PTGES3: variants seen among roughly 807,000 people sequenced by gnomAD.
The protein encoded by PTGES3 is prostaglandin E synthase 3, also known as Hsp90 co-chaperone.
A neutral mutation model predicts 29.9 loss-of-function variants in PTGES3; 5 were observed. The ratio of observed to expected loss-of-function variants is 0.17; its 90% CI spans 0.09 to 0.35. The LOEUF (loss-of-function observed/expected upper bound fraction) is 0.35, where lower values mean the gene tolerates loss of function less well. Among genes scored for constraint, PTGES3 ranks in the 10% least tolerant of loss-of-function variants. PTGES3 has a pLI of 1.00. For missense variants in PTGES3, 128 were observed against 190.0 expected (o/e 0.67, Z 1.92); for synonymous variants, 49 against 57.8 (o/e 0.85, Z 0.69).
At chr12:56,668,158 C>T (rs112533653) in intron 5 of PTGES3, among the ~76,000 whole-genome samples, 9 of 152,262 alleles carry the variant, frequency 5.9e-5, no homozygotes, top group African/African-American at 2.2e-4. Context: ...ATGTGAAGTG[C>T]TCTTACCTCA....
intron 1 of PTGES3, among the ~76,000 whole-genome samples, chr12:56,675,521 CAAAA>C (rs58270146): frequency 1.4e-4 from 13 of 92,022 alleles, no homozygotes; most frequent in African/African-American, 2.7e-4. Context: ...AGAATGAGAC[CAAAA>C]AAAAAAAAAA....
intron 5 of PTGES3, among the ~76,000 whole-genome samples, chr12:56,667,506 T>C (rs1268009149): frequency 1.3e-5 from 2 of 152,172 alleles, no homozygotes; most frequent in East Asian, 1.9e-4. Context: ...AAATCTGCCT[T>C]ATGTGACAAA....
chr12:56,673,484 GGAA>G (rs1952087078), intron 1 of PTGES3, among the ~76,000 whole-genome samples: 1 of 36,824 alleles, frequency 2.7e-5, no homozygotes, highest in South Asian at 1.1e-3. Flanking sequence ...ATACAAATAC[GGAA>G]AAAAAAAAAA....
Position 56,670,353 on chromosome 12 carries a change from A to G in PTGES3, c.297T>C (p.Leu99=). ...LTKERAKLNW[L]SVDFNNWKDW... ...CTTTCCAATTATTGAAGTCGACACT[A>G]AGCCAATTAAGCTATAAATCAATAC... is the stretch of plus-strand genomic sequence containing the variant. Residue 99 remains leucine, a synonymous_variant, in exon 5 of 8, where the codon CTT becomes CTC. Coordinates refer to ENST00000262033, the MANE Select transcript of PTGES3 (RefSeq NM_006601.7). The G allele has an allele frequency of 6.2e-7, 1 of 1,607,406 alleles. No individual in the cohort carries two copies. The highest frequency in any genetic ancestry group is 8.5e-7 in the Non-Finnish European group (1 of 1,173,864).
At chr12:56,673,521 C>T (rs1197532839) in intron 1 of PTGES3, among the ~76,000 whole-genome samples, 5 of 132,746 alleles carry the variant, frequency 3.8e-5, no homozygotes, top group African/African-American at 2.8e-5. Context: ...AAGCAGGGTA[C>T]GGTGGCTCAC....
rs17445108 is a variant in PTGES3, at chr12:56,688,274, G to A, written c.-275C>T. ...AATGAACGTGCGTGCGTGCAAACGA[G>A]GGGTGGTGAGGCCGGGCGGCGGCTG... On this transcript the variant is annotated 5_prime_UTR_variant, in exon 1 of 8. Coordinates refer to ENST00000262033, the MANE Select transcript of PTGES3 (RefSeq NM_006601.7). 0.097 allele frequency: 48,491 copies of A among 498,422 alleles called. 2,891 individuals carry two copies. Among genetic ancestry groups the A allele is most frequent in the Non-Finnish European group, 0.12 (37,234 of 303,304 alleles). 30.9% of individuals were successfully genotyped at this position (498,422 alleles called of 1,614,324 possible).
chr12:56,678,594 T>C (rs1220379134), intron 1 of PTGES3, among the ~76,000 whole-genome samples: 1 of 152,192 alleles, frequency 6.6e-6, no homozygotes, highest in Non-Finnish European at 1.5e-5. Context: ...GGTGCATCAA[T>C]TTTTTATAGT....
intron 1 of PTGES3, among the ~76,000 whole-genome samples, chr12:56,680,357 G>A (rs571278779): frequency 2.2e-4 from 34 of 151,774 alleles, no homozygotes; most frequent in Non-Finnish European, 4.6e-4. Context: ...TTATAGGTGT[G>A]AGTCACTGCA....
rs1266295339 is a variant in PTGES3 at position 56,666,214 on chromosome 12, C to T, written c.428G>A (p.Gly143Glu). Residue 143 changes from glycine to glutamate, a missense_variant, in exon 6 of 8, where the codon GGA becomes GAA. Transcript: ENST00000262033. ...AATTTTTAGACTTACATCATCTGCT[C>T]CATCTACTTCTGGTAAATCTACATC... ...DEDVDLPEVDGADDDSQDSDD... is the reference protein window; with the variant it reads ...DEDVDLPEVDEADDDSQDSDD... 1 of 1,610,118 alleles carries T rather than the reference C, an allele frequency of 6.2e-7. No individual in the cohort carries two copies. Among genetic ancestry groups the T allele is most frequent in the Admixed American group, 1.7e-5 (1 of 59,494 alleles).
At chr12:56,680,209 G>A (rs1000081915) in intron 1 of PTGES3, among the ~76,000 whole-genome samples, 20 of 151,388 alleles carry the variant, frequency 1.3e-4, no homozygotes, top group Non-Finnish European at 2.5e-4. Context: ...TGAGTAGATG[G>A]AACTACAGGC....
intron 1 of PTGES3, chr12:56,686,938 G>A (rs554135367): frequency 2.9e-4 from 102 of 348,354 alleles, no homozygotes; most frequent in Non-Finnish European, 4.4e-4. Context: ...AGAAAAAAAA[G>A]GTTCCACCTT....
chr12:56,666,650 C>CA (rs1406233293), intron 5 of PTGES3, among the ~76,000 whole-genome samples: 30 of 151,646 alleles, frequency 2.0e-4, no homozygotes, highest in African/African-American at 6.8e-4. Context: ...TTTTTTGAGA[C>CA]AGAGTCTAGC....
intron 6 of PTGES3, 37 bp from the exon 7 acceptor site, chr12:56,664,837 A>AT (rs762214381): frequency 6.3e-7 from 1 of 1,590,414 alleles, no homozygotes; most frequent in Admixed American, 1.9e-5. Flanking sequence ...AGCTGATCAA[A>AT]TATTCGTTTG....
intron 1 of PTGES3, 153 bp downstream of exon 1, chr12:56,687,845 G>A (rs1284188765): frequency 6.7e-6 from 10 of 1,492,942 alleles, no homozygotes; most frequent in Admixed American, 4.6e-5. Context: ...ACCCGCCAAC[G>A]GTAACCGGAA....
chr12:56,677,070 T>C (rs1283558303), intron 1 of PTGES3, among the ~76,000 whole-genome samples: 1 of 151,494 alleles, frequency 6.6e-6, no homozygotes, highest in Non-Finnish European at 1.5e-5. Flanking sequence ...TGAAATCCCG[T>C]CTCTACTAAA....
chr12:56,683,696 A>C (rs1952676793), intron 1 of PTGES3, among the ~76,000 whole-genome samples: 1 of 151,032 alleles, frequency 6.6e-6, no homozygotes, highest in Admixed American at 6.6e-5. Flanking sequence ...GCGGTGGCTC[A>C]CGCCTGTAAT....
At position 56,664,908 on chromosome 12, in the gene PTGES3, G is replaced by A; in HGVS notation, c.439-108C>T. 7 of 1,489,576 alleles carry A rather than the reference G, an allele frequency of 4.7e-6. No homozygotes were observed. The South Asian group carries it at 8.3e-5, about 18-fold the overall frequency. 92.3% of individuals were successfully genotyped at this position (1,489,576 alleles called of 1,614,324 possible). A position where few individuals can be genotyped will look rare whatever the true frequency, so the allele number is the denominator to read the frequency against. On this transcript the variant is annotated intron_variant, in intron 6 of 7. Coordinates refer to ENST00000262033, the MANE Select transcript of PTGES3 (RefSeq NM_006601.7). ...TATATTTTTGACTAAAGTAGCACAG[G>A]TAGGTAGTCATATCAAGCCTAGAAA... is the stretch of plus-strand genomic sequence containing the variant.
chr12:56,673,086 G>A, intron 1 of PTGES3, 21 bp from the exon 2 acceptor site: 1 of 1,528,890 alleles, frequency 6.5e-7, no homozygotes, highest in Non-Finnish European at 8.9e-7. Context: ...ATAAAGTAGG[G>A]AAAGTCAAGC....
intron 1 of PTGES3, among the ~76,000 whole-genome samples, chr12:56,674,457 G>A (rs765072021): frequency 4.0e-5 from 6 of 151,560 alleles, no homozygotes; most frequent in Non-Finnish European, 7.4e-5. Flanking sequence ...TTTGGGAGGC[G>A]AGGCAGGTGG....
Sources: allele counts gnomAD v4.1 joint callset (sites outside exome capture counted in the v4.1 genomes callset), GRCh38; gene constraint gnomAD v4.1.1; transcripts MANE v1.5; gene names NCBI Gene and HGNC (gene_info 2026-07-23, HGNC 2026-07-21).